The following NCAM2 variants were observed in gnomAD, a reference collection of about 807,000 sequenced individuals.
NCAM2 encodes N-CAM-2.
In NCAM2, 30 loss-of-function variants were observed where a neutral mutation model predicts 98.1. That is an observed-to-expected ratio of 0.31 (90% CI 0.23 to 0.41). The LOEUF is 0.41. Ranked by LOEUF, NCAM2 falls within the 10% of genes least tolerant of loss-of-function variation. NCAM2 has a pLI of 1.00. For missense variants in NCAM2, 867 were observed against 1,005.8 expected, an observed-to-expected ratio of 0.86 and a Z score of 1.87; for synonymous variants, 368 against 342.4, an observed-to-expected ratio of 1.07 and a Z score of -0.83.
At chr21:21,297,457 A>G (rs886633865) in intron 5 of NCAM2, among the ~76,000 whole-genome samples, 1 of 151,778 alleles carries the variant, frequency 6.6e-6, no homozygotes, top group Non-Finnish European at 1.5e-5. Flanking sequence ...TGCTTTCCTC[A>G]TATCATCATA....
chr21:21,386,701 C>T (rs1219087654), intron 9 of NCAM2, among the ~76,000 whole-genome samples: 2 of 152,112 alleles, frequency 1.3e-5, no homozygotes, highest in Non-Finnish European at 2.9e-5. Flanking sequence ...ATTATTGTCT[C>T]TCTGACAGGT....
At chr21:21,226,193 A>G (rs938155999) in intron 1 of NCAM2, among the ~76,000 whole-genome samples, 1 of 152,064 alleles carries the variant, frequency 6.6e-6, no homozygotes, top group African/African-American at 2.4e-5. Context: ...ATGAAAAACT[A>G]CCTATTGGGT....
At chr21:21,144,115 C>T (rs990922470) in intron 1 of NCAM2, among the ~76,000 whole-genome samples, 15 of 151,822 alleles carry the variant, frequency 9.9e-5, no homozygotes, top group South Asian at 4.2e-4. Flanking sequence ...TTTGGGAGGC[C>T]GAGGTGGGCG....
chr21:21,327,580 T>C (rs232478), intron 6 of NCAM2, among the ~76,000 whole-genome samples: 103,966 of 151,978 alleles, frequency 0.68, 36,346 homozygotes, highest in Non-Finnish European at 0.78. Flanking sequence ...GATATGAGAA[T>C]AGAGATTAAC....
chr21:21,335,569 G>A lies in NCAM2; in HGVS notation c.802G>A (p.Val268Ile), dbSNP rs772671391. ...ILKGSNTELT[V>I]RNIINSDGGP... ...GAAAGGGAGCAATACAGAACTCACT[G>A]TCAGGAACATAATCAATAGTGATGG... is the stretch of plus-strand genomic sequence containing the variant. Residue 268 changes from valine (V) to isoleucine (I), a missense_variant, in exon 7 of 18, where the codon GTC becomes ATC. Coordinates refer to ENST00000400546, the MANE Select transcript of NCAM2 (RefSeq NM_004540.5). The A allele has an allele frequency of 1.1e-5, 18 of 1,611,452 alleles. No individual in the cohort carries two copies. In the Admixed American group the frequency reaches 2.5e-4, roughly 22 times the overall value.
intron 15 of NCAM2, among the ~76,000 whole-genome samples, chr21:21,506,067 G>T (rs1376150256): frequency 6.6e-6 from 1 of 151,884 alleles, no homozygotes; most frequent in Non-Finnish European, 1.5e-5. Flanking sequence ...AAGGTAAATG[G>T]GAATGTGTAT....
intron 10 of NCAM2, among the ~76,000 whole-genome samples, chr21:21,411,054 GTA>G (rs766878394): frequency 1.3e-3 from 38 of 29,264 alleles, no homozygotes; most frequent in African/African-American, 5.2e-3. Context: ...ATATGTGTGT[GTA>G]TATATATATA....
At chr21:21,188,191 G>T (rs1470400930) in intron 1 of NCAM2, among the ~76,000 whole-genome samples, 1 of 152,138 alleles carries the variant, frequency 6.6e-6, no homozygotes, top group Non-Finnish European at 1.5e-5. Flanking sequence ...AAGGGACTGG[G>T]AAAGTGAGCA....
At chr21:21,360,320 T>C (rs1015507830) in intron 8 of NCAM2, among the ~76,000 whole-genome samples, 3 of 151,974 alleles carry the variant, frequency 2.0e-5, no homozygotes, top group Admixed American at 2.0e-4. Flanking sequence ...AGTAGCTGTG[T>C]TTATAGAGGG....
chr21:21,041,205 T>A lies in NCAM2; in HGVS notation c.55+42587T>A, dbSNP rs73214114. ...GGTCATATAAGAAACATAGAACCTA[T>A]GATGAATACAAAATAAGATCATTTC... On this transcript the variant is annotated intron_variant, in intron 1 of 17. Transcript: ENST00000400546. Among the ~76,000 whole-genome samples the A allele has an allele frequency of 8.1e-3, 1,226 of 152,264 alleles. 7 individuals carry two copies. Among genetic ancestry groups the A allele is most frequent in the Non-Finnish European group, 0.013 (873 of 67,996 alleles).
At chr21:21,048,169 A>G (rs1240092630) in intron 1 of NCAM2, among the ~76,000 whole-genome samples, 1 of 152,178 alleles carries the variant, frequency 6.6e-6, no homozygotes, top group Non-Finnish European at 1.5e-5. Flanking sequence ...GAAGTCTGCT[A>G]TCTGAGAGCT....
intron 14 of NCAM2, among the ~76,000 whole-genome samples, chr21:21,471,371 A>T (rs1984421320): frequency 6.6e-6 from 1 of 152,086 alleles, no homozygotes; most frequent in Non-Finnish European, 1.5e-5. Context: ...TAACTACTTC[A>T]AAAAGTTCTT....
chr21:21,408,275 C>A (rs1447136104), intron 9 of NCAM2, among the ~76,000 whole-genome samples: 3 of 152,086 alleles, frequency 2.0e-5, no homozygotes, highest in Non-Finnish European at 2.9e-5. Flanking sequence ...AAGGGAAGGG[C>A]AGGTATATGC....
chr21:21,116,618 GC>G (rs1475174222), intron 1 of NCAM2, among the ~76,000 whole-genome samples: 4 of 152,126 alleles, frequency 2.6e-5, no homozygotes, highest in Non-Finnish European at 5.9e-5. Context: ...ACTTTGGGAG[GC>G]CGAGGCAGGT....
At chr21:21,354,883 G>A (rs868536660) in intron 8 of NCAM2, among the ~76,000 whole-genome samples, 4 of 152,068 alleles carry the variant, frequency 2.6e-5, no homozygotes, top group Admixed American at 6.6e-5. Context: ...ATAAAACAGC[G>A]GGATAAGCTT....
At chr21:21,078,262 A>T (rs1488324332) in intron 1 of NCAM2, among the ~76,000 whole-genome samples, 1 of 152,172 alleles carries the variant, frequency 6.6e-6, no homozygotes, top group Non-Finnish European at 1.5e-5. Flanking sequence ...GTGTGCTTTA[A>T]TCATGTAAAA....
chr21:21,003,583 A>C (rs189880477), intron 1 of NCAM2, among the ~76,000 whole-genome samples: 9 of 152,290 alleles, frequency 5.9e-5, no homozygotes, highest in African/African-American at 2.2e-4. Flanking sequence ...CACCTTACCA[A>C]ATGTCAACCC....
intron 5 of NCAM2, among the ~76,000 whole-genome samples, chr21:21,321,129 C>T (rs1002766062): frequency 6.6e-6 from 1 of 152,212 alleles, no homozygotes; most frequent in Non-Finnish European, 1.5e-5. Context: ...AATGGACACA[C>T]AGCCCTAAAT....
rs2072617173 is a variant in NCAM2 at position 21,273,757 on chromosome 21, ATTTTG to A, written c.56-6816_56-6812del. 2.0e-5 allele frequency among the ~76,000 whole-genome samples: 3 copies of A among 152,228 alleles called. No individual in the cohort carries two copies. The South Asian group carries it at 6.2e-4, about 32-fold the overall frequency. On this transcript the variant is annotated intron_variant, in intron 1 of 17. Transcript: ENST00000400546. The stretch of plus-strand genomic sequence containing the variant: ...GATAATTTTTTAATATTATTTGGTT[ATTTTG>A]TTTTATTTTCTCTTTTGGTTTTAAA...
Sources: allele counts gnomAD v4.1 joint callset (sites outside exome capture counted in the v4.1 genomes callset), GRCh38; gene constraint gnomAD v4.1.1; transcripts MANE v1.5; gene names NCBI Gene and HGNC (gene_info 2026-07-23, HGNC 2026-07-21).